The following RPRD2 variants were observed in gnomAD, a reference collection of about 807,000 sequenced individuals.
RPRD2 encodes the protein regulation of nuclear pre-mRNA domain-containing protein 2.
Under a neutral mutation model 104.4 loss-of-function variants are expected in RPRD2, and 12 were observed. That is an observed-to-expected ratio of 0.11 (90% CI 0.07 to 0.19). The LOEUF is 0.19. RPRD2 is among the 10% of genes least tolerant of loss of function. The pLI, the probability that RPRD2 is intolerant of heterozygous loss-of-function variation, is 1.00. For synonymous variants in RPRD2, 714 were observed against 684.9 expected, an observed-to-expected ratio of 1.04 and a Z score of -0.66; for missense variants, 1,543 against 1,790.1, an observed-to-expected ratio of 0.86 and a Z score of 2.49.
At chr1:150,426,129 G>T (rs1665109502) in intron 2 of RPRD2, among the ~76,000 whole-genome samples, 1 of 152,074 alleles carries the variant, frequency 6.6e-6, no homozygotes, top group Non-Finnish European at 1.5e-5. Flanking sequence ...AAAAAGGGAT[G>T]CCACTTAAAG....
intron 1 of RPRD2, among the ~76,000 whole-genome samples, chr1:150,376,157 G>C (rs1258176736): frequency 6.6e-6 from 1 of 152,122 alleles, no homozygotes; most frequent in African/African-American, 2.4e-5. Context: ...TGAAATAGAG[G>C]CTCTTTGATG....
intron 7 of RPRD2, among the ~76,000 whole-genome samples, chr1:150,453,310 C>T (rs781976213): frequency 2.6e-5 from 4 of 152,122 alleles, no homozygotes; most frequent in Non-Finnish European, 4.4e-5. Context: ...GGATTACAGG[C>T]GTGAGCCACC....
Position 150,473,556 on chromosome 1 carries a change from TAAAAAA to T in RPRD2, c.*240_*245del, listed in dbSNP as rs61486244. 2.3e-3 allele frequency: 223 copies of T among 98,392 alleles called. 1 individual carries two copies. The highest frequency in any genetic ancestry group is 4.0e-3 in the Admixed American group (35 of 8,848). 6.1% of individuals were successfully genotyped at this position (98,392 alleles called of 1,614,324 possible). A position where few individuals can be genotyped will look rare whatever the true frequency, so the allele number is the denominator to read the frequency against. On this transcript the variant is annotated 3_prime_UTR_variant, in exon 11 of 11. Transcript: ENST00000369068. ...TCTACCTTCCCCAAGTTGTTTGTAT[TAAAAAA>T]AAAAAAAAAAAAAAAAAGTAAAGAA... is the stretch of plus-strand genomic sequence containing the variant.
At chr1:150,456,142 A>T (rs1395799219) in intron 7 of RPRD2, among the ~76,000 whole-genome samples, 1 of 151,954 alleles carries the variant, frequency 6.6e-6, no homozygotes, top group Non-Finnish European at 1.5e-5. Context: ...CTGTTTTTTA[A>T]AACAATAGCA....
Position 150,471,567 on chromosome 1 carries a change from G to T in RPRD2, c.2619G>T (p.Leu873=). Residue 873 remains leucine, a synonymous_variant, in exon 11 of 11, where the codon CTG becomes CTT. Coordinates refer to ENST00000369068, the MANE Select transcript of RPRD2 (RefSeq NM_015203.5). This position sits in a 1 kb window ranked among gnomAD's most constrained non-coding sequence, Gnocchi z 5.3. ...ATACCACCGAGTACCAGCCAATTCTGTCCAGTTATAGCCACAGAGCCCAAG... is the reference window on the plus strand; with the variant it reads ...ATACCACCGAGTACCAGCCAATTCTTTCCAGTTATAGCCACAGAGCCCAAG... The part of the protein sequence containing the change: ...LSDTTEYQPI[L]SSYSHRAQEF... The T allele has an allele frequency of 1.2e-6, 2 of 1,613,768 alleles. No homozygotes were observed. The highest frequency in any genetic ancestry group is 2.2e-5 in the East Asian group (1 of 44,876).
At chr1:150,450,721 A>C (rs1324840376) in intron 7 of RPRD2, among the ~76,000 whole-genome samples, 1 of 151,628 alleles carries the variant, frequency 6.6e-6, no homozygotes, top group African/African-American at 2.4e-5. Flanking sequence ...CCTGGGTTCA[A>C]GCGATTCTTC....
chr1:150,410,269 A>G (rs139616207), intron 1 of RPRD2, among the ~76,000 whole-genome samples: 48 of 152,284 alleles, frequency 3.2e-4, no homozygotes, highest in African/African-American at 1.1e-3. Context: ...AGAGGGGACC[A>G]TTATGGGAGG....
At chr1:150,403,962 C>T (rs1663271177) in intron 1 of RPRD2, among the ~76,000 whole-genome samples, 1 of 151,984 alleles carries the variant, frequency 6.6e-6, no homozygotes, top group African/African-American at 2.4e-5. Flanking sequence ...TTTCTTAAAG[C>T]TTACTGTAGG....
At chr1:150,424,122 T>C (rs1664952328) in intron 2 of RPRD2, among the ~76,000 whole-genome samples, 1 of 152,064 alleles carries the variant, frequency 6.6e-6, no homozygotes, top group Admixed American at 6.6e-5. Flanking sequence ...ATGTTATATG[T>C]CCATATTCAG....
Position 150,364,211 on chromosome 1 carries a change from T to G in RPRD2, c.-504T>G, listed in dbSNP as rs1553876670. 1.3e-5 allele frequency among the ~76,000 whole-genome samples: 2 copies of G among 152,178 alleles called. No individual in the cohort carries two copies. Among genetic ancestry groups the G allele is most frequent in the African/African-American group, 4.8e-5 (2 of 41,458 alleles). On this transcript the variant is annotated 5_prime_UTR_variant, in exon 1 of 11. Coordinates refer to ENST00000369068, the MANE Select transcript of RPRD2 (RefSeq NM_015203.5). ...AATCCTGACTAGGTAGCCTTGGACC[T>G]TTTCTGTGCTAGCGAGTCTAAAGGA...
Position 150,364,664 on chromosome 1 carries a change from G to A in RPRD2, c.-51G>A, listed in dbSNP as rs1659691547. 2 of 1,054,928 alleles carry A rather than the reference G, an allele frequency of 1.9e-6. No homozygotes were observed. The highest frequency in any genetic ancestry group is 2.7e-6 in the Non-Finnish European group (2 of 728,370). 65.3% of individuals were successfully genotyped at this position (1,054,928 alleles called of 1,614,324 possible). ...GATTGTTTTGCCCGCTCCCGCCGCC[G>A]CCGCCGCCGCCGCCGCCAGAGGAGC... is the stretch of plus-strand genomic sequence containing the variant. On this transcript the variant is annotated 5_prime_UTR_variant, in exon 1 of 11. Transcript: ENST00000369068.
At chr1:150,454,128 A>T (rs1312314354) in intron 7 of RPRD2, among the ~76,000 whole-genome samples, 2 of 152,204 alleles carry the variant, frequency 1.3e-5, no homozygotes, top group Non-Finnish European at 2.9e-5. Context: ...TTCAGAATTC[A>T]GCAAATATCT....
chr1:150,470,824 T>C lies in RPRD2; in HGVS notation c.1876T>C (p.Ser626Pro). 6.2e-7 allele frequency: 1 copy of C among 1,613,948 alleles called. No homozygotes were observed. The highest frequency in any genetic ancestry group is 8.5e-7 in the Non-Finnish European group (1 of 1,179,894). Residue 626 changes from serine to proline, a missense_variant, in exon 11 of 11, where the codon TCC becomes CCC. Coordinates refer to ENST00000369068, the MANE Select transcript of RPRD2 (RefSeq NM_015203.5). ...GLPSTTFKLP[S>P]NSLGFTATHN... ...CCCAAGCACTACTTTTAAACTACCT[T>C]CCAACTCTTTGGGGTTTACAGCTAC...
chr1:150,471,933 A>G lies in RPRD2; in HGVS notation c.2985A>G (p.Lys995=). The G allele has an allele frequency of 1.2e-6, 2 of 1,613,936 alleles. No individual in the cohort carries two copies. The highest frequency in any genetic ancestry group is 1.7e-6 in the Non-Finnish European group (2 of 1,179,850). ...ACCCACCCACGTCAGGCGTGGAGAA[A>G]GTCCTGGCCTCCACCATTTCCACCA... ...TGHPPTSGVE[K]VLASTISTTS... Residue 995 remains lysine (K), a synonymous_variant, in exon 11 of 11, where the codon AAA becomes AAG. Transcript: ENST00000369068. The surrounding 1 kb of genome is among the most constrained non-coding windows in gnomAD (Gnocchi z 5.3).
intron 1 of RPRD2, among the ~76,000 whole-genome samples, chr1:150,368,034 T>C (rs892584602): frequency 3.9e-5 from 6 of 152,078 alleles, no homozygotes; most frequent in African/African-American, 7.2e-5. Flanking sequence ...TGCAGTGATA[T>C]CCCATTGCAA....
chr1:150,398,343 C>G (rs1044596797), intron 1 of RPRD2, among the ~76,000 whole-genome samples: 1 of 151,732 alleles, frequency 6.6e-6, no homozygotes, highest in African/African-American at 2.4e-5. Flanking sequence ...ACTACAGGTG[C>G]CTGCCACCAC....
At position 150,364,549 on chromosome 1, in the gene RPRD2, T is replaced by G. The variant is rs1659675792; in HGVS notation, c.-166T>G. ...TGCCAGCGTGCCCAGCAGCTGGTGT[T>G]CCCGTCCGTACCTCCAGAAGAGCCC... On this transcript the variant is annotated 5_prime_UTR_variant, in exon 1 of 11. Coordinates refer to ENST00000369068, the MANE Select transcript of RPRD2 (RefSeq NM_015203.5). The G allele has an allele frequency of 1.8e-6, 1 of 566,892 alleles. No homozygotes were observed. Among genetic ancestry groups the G allele is most frequent in the Non-Finnish European group, 3.1e-6 (1 of 323,866 alleles). 35.1% of individuals were successfully genotyped at this position (566,892 alleles called of 1,614,324 possible). A position where few individuals can be genotyped will look rare whatever the true frequency, so the allele number is the denominator to read the frequency against.
intron 1 of RPRD2, among the ~76,000 whole-genome samples, chr1:150,415,414 A>C (rs928134207): frequency 1.2e-4 from 19 of 152,008 alleles, no homozygotes; most frequent in African/African-American, 4.3e-4. Flanking sequence ...CAGGTGCAGT[A>C]GTTCATGCCT....
At position 150,411,480 on chromosome 1, in the gene RPRD2, A is replaced by C. The variant is rs181229261; in HGVS notation, c.206-6116A>C. On this transcript the variant is annotated intron_variant, in intron 1 of 10. Coordinates refer to ENST00000369068, the MANE Select transcript of RPRD2 (RefSeq NM_015203.5). ...TCTCAAAAAAAAAAACAAAAAAAAAACGAAACAAACAAAAGAAGAAGGCAG... is the reference window on the plus strand; with the variant it reads ...TCTCAAAAAAAAAAACAAAAAAAAACCGAAACAAACAAAAGAAGAAGGCAG... Among the ~76,000 whole-genome samples, 80 of 117,840 alleles carry C rather than the reference A, an allele frequency of 6.8e-4. 2 individuals carry two copies. In the East Asian group the frequency reaches 0.012, roughly 18 times the overall value. The allele number at this position is 117,840 out of a possible 152,430, so 77.3% of individuals were successfully genotyped here.
Sources: gnomAD v4.1 joint callset for allele counts (sites outside exome capture counted in the v4.1 genomes callset) on GRCh38, gnomAD v4.1.1 for gene constraint, Gnocchi (gnomAD v3.1) non-coding constraint, MANE v1.5 for transcripts, NCBI Gene and HGNC (gene_info 2026-07-23, HGNC 2026-07-21) for gene names.